Variants in HSPA8 observed in about 807,000 individuals in gnomAD.
The protein encoded by HSPA8 is heat shock protein family A (Hsp70) member 8.
A neutral mutation model predicts 52.8 loss-of-function variants in HSPA8; 2 were observed. That is an observed-to-expected ratio of 0.04 (90% CI 0.02 to 0.12). HSPA8 has a LOEUF of 0.12. Among genes scored for constraint, HSPA8 ranks in the 10% least tolerant of loss-of-function variants. HSPA8 has a pLI of 1.00. For synonymous variants in HSPA8, 436 were observed against 274.0 expected (o/e 1.59, Z -5.84); for missense variants, 349 against 800.5 (o/e 0.44, Z 6.81).
In HSPA8 at chr11:123,061,145, T is replaced by C. The variant is rs1193506791; in HGVS notation, c.180A>G (p.Ala60=). 1.9e-6 allele frequency: 3 copies of C among 1,613,938 alleles called. No individual in the cohort carries two copies. The highest frequency in any genetic ancestry group is 1.7e-5 in the Admixed American group (1 of 60,022). The change falls in exon 2 of 9, where the codon GCA becomes GCG. Residue 60 remains alanine, a synonymous_variant. Transcript: ENST00000534624. ...LIGDAAKNQV[A]MNPTNTVFDA... ...CAAAAACTGTGTTGGTGGGGTTCAT[T>C]GCAACTTGATTCTTTGCGGCATCAC...
chr11:123,059,498 A>G lies in HSPA8; in HGVS notation c.1095T>C (p.Pro365=). The G allele has an allele frequency of 6.2e-7, 1 of 1,613,814 alleles. No individual in the cohort carries two copies. The highest frequency in any genetic ancestry group is 8.5e-7 in the Non-Finnish European group (1 of 1,179,880). ...CTGCACCATAAGCAACAGCTTCATC[A>G]GGGTTGATGCTCTTATTCAGTTCTT... is the stretch of plus-strand genomic sequence containing the variant. The part of the protein sequence containing the change: ...NGKELNKSIN[P]DEAVAYGAAV... The change falls in exon 5 of 9, where the codon CCT becomes CCC. Residue 365 remains proline (P), a synonymous_variant. Transcript: ENST00000534624.
intron 2 of HSPA8, 56 bp from the exon 3 acceptor site, chr11:123,060,854 TC>T: frequency 6.7e-7 from 1 of 1,488,900 alleles, no homozygotes; most frequent in Non-Finnish European, 9.4e-7. Context: ...CTGATAAAAC[TC>T]AAGTCCATGA....
rs913944272 is a variant in HSPA8 at position 123,057,724 on chromosome 11, C to T, written c.*10G>A. On this transcript the variant is annotated 3_prime_UTR_variant, in exon 9 of 9. Transcript: ENST00000534624. ...TGTGTGGAACAATGCTACATCTACA[C>T]TTGGTTGGCTTAATCAACCTCTTCA... 10 of 1,597,042 alleles carry T rather than the reference C, an allele frequency of 6.3e-6. No individual in the cohort carries two copies. In the Admixed American group the frequency reaches 1.4e-4, roughly 23 times the overall value.
chr11:123,057,973 CTT>C, intron 8 of HSPA8, 54 bp from the exon 9 acceptor site: 2 of 1,388,244 alleles, frequency 1.4e-6, no homozygotes. Context: ...AATAACCCTT[CTT>C]TCTCCCTGAC....
In HSPA8 at chr11:123,058,366, G is replaced by C. The variant is rs775032110; in HGVS notation, c.1641C>G (p.Phe547Leu). ...SSKNSLESYA[F>L]NMKATVEDEK... ...CATCTTCAACAGTTGCTTTCATGTTGAAGGCATAGGACTCAAGTGAATTCT... is the reference window on the plus strand; with the variant it reads ...CATCTTCAACAGTTGCTTTCATGTTCAAGGCATAGGACTCAAGTGAATTCT... The change falls in exon 8 of 9, where the codon TTC becomes TTG. Residue 547 changes from phenylalanine to leucine, a missense_variant. By Grantham distance (22) the Phe-to-Leu change is conservative (BLOSUM62 0). Transcript: ENST00000534624. 1 of 1,613,202 alleles carries C rather than the reference G, an allele frequency of 6.2e-7. No individual in the cohort carries two copies. Among genetic ancestry groups the C allele is most frequent in the Non-Finnish European group, 8.5e-7 (1 of 1,179,594 alleles).
chr11:123,059,882 C>A lies in HSPA8; in HGVS notation c.711G>T (p.Met237Ile). 6.2e-7 allele frequency: 1 copy of A among 1,613,388 alleles called. No homozygotes were observed. The highest frequency in any genetic ancestry group is 1.1e-5 in the South Asian group (1 of 91,046). ...HLGGEDFDNR[M>I]VNHFIAEFKR... ...TAAACTCAGCAATAAAATGGTTGAC[C>A]ATTCGGTTGTCAAAATCTTCTCCAC... Residue 237 changes from methionine to isoleucine, a missense_variant, in exon 5 of 9, where the codon ATG (methionine) becomes ATT (isoleucine). Coordinates refer to ENST00000534624, the MANE Select transcript of HSPA8 (RefSeq NM_006597.6).
chr11:123,061,587 C>A (rs925652166), intron 1 of HSPA8: 8 of 525,516 alleles, frequency 1.5e-5, no homozygotes, highest in Non-Finnish European at 2.7e-5. Flanking sequence ...CGTGGTCTTA[C>A]CCCGAACTGA....
At chr11:123,057,951 T>G (rs1865356103) in intron 8 of HSPA8, 32 bp from the exon 9 acceptor site, 1 of 1,509,846 alleles carries the variant, frequency 6.6e-7, no homozygotes, top group Admixed American at 2.0e-5. Flanking sequence ...TACTGCAAGT[T>G]CTTTTAATGT....
At chr11:123,060,402 G>A (rs1865458022) in intron 3 of HSPA8, 134 bp from the exon 4 acceptor site, 8 of 989,622 alleles carry the variant, frequency 8.1e-6, no homozygotes, top group Non-Finnish European at 1.2e-5. Flanking sequence ...CTGTGTAATT[G>A]TCAAGATTCA....
At chr11:123,061,421 G>C (rs750885285) in intron 1 of HSPA8, 92 bp from the exon 2 acceptor site, 1 of 955,274 alleles carries the variant, frequency 1.0e-6, no homozygotes, top group African/African-American at 1.6e-5. Context: ...AAAACGTATG[G>C]CCACTGCCAA....
Position 123,057,723 on chromosome 11 carries a change from A to G in HSPA8, c.*11T>C. ...ATGTGTGGAACAATGCTACATCTAC[A>G]CTTGGTTGGCTTAATCAACCTCTTC... On this transcript the variant is annotated 3_prime_UTR_variant, in exon 9 of 9. Transcript: ENST00000534624. 2 of 1,596,444 alleles carry G rather than the reference A, an allele frequency of 1.3e-6. No individual in the cohort carries two copies. The highest frequency in any genetic ancestry group is 1.7e-6 in the Non-Finnish European group (2 of 1,172,958).
intron 1 of HSPA8, chr11:123,061,559 G>A (rs1865503331): frequency 5.3e-6 from 3 of 563,412 alleles, no homozygotes; most frequent in African/African-American, 1.9e-5. Flanking sequence ...CCCAGACGGC[G>A]TGGGGCGTTG....
At position 123,059,732 on chromosome 11, in the gene HSPA8, G is replaced by C. The variant is rs551131709; in HGVS notation, c.861C>G (p.Leu287=). 1.2e-6 allele frequency: 2 copies of C among 1,613,928 alleles called. No homozygotes were observed. Among genetic ancestry groups the C allele is most frequent in the East Asian group, 2.2e-5 (1 of 44,880 alleles). ...AGGTATAGAAGTCGATTCCTTCATA[G>C]AGAGAATCGATCTCAATACTGGCCT... ...STQASIEIDS[L]YEGIDFYTSI... is the part of the protein sequence containing the mutation. Residue 287 remains leucine (L), a synonymous_variant, in exon 5 of 9, where the codon CTC becomes CTG. Transcript: ENST00000534624.
chr11:123,060,504 C>A lies in HSPA8; in HGVS notation c.411+89G>T, dbSNP rs556295581. 832 of 1,068,474 alleles carry A rather than the reference C, an allele frequency of 7.8e-4. 6 individuals are homozygous for A. The African/African-American group carries it at 8.5e-3, about 11-fold the overall frequency. The allele number at this position is 1,068,474 out of a possible 1,614,324, so 66.2% of individuals were successfully genotyped here. On this transcript the variant is annotated intron_variant, in intron 3 of 8. Coordinates refer to ENST00000534624, the MANE Select transcript of HSPA8 (RefSeq NM_006597.6). ...AACCCTGAGCTGAGCCCCATCTGTT[C>A]CCCTCCCTCGCCAGGTGCCAGTGCC... is the stretch of plus-strand genomic sequence containing the variant.
In HSPA8 at chr11:123,061,339, AG is replaced by A. The variant is rs745861967; in HGVS notation, c.-5-11del. The A allele has an allele frequency of 1.2e-6, 2 of 1,601,142 alleles. No individual in the cohort carries two copies. The highest frequency in any genetic ancestry group is 1.7e-6 in the Non-Finnish European group (2 of 1,169,014). ...CCCTTGGACATGGTTGCTGAAAAAA[AG>A]AAAAATCTGGTTTAAAAATTCAATT... On this transcript the variant is annotated splice_polypyrimidine_tract_variant and intron_variant, in intron 1 of 8. Transcript: ENST00000534624.
At chr11:123,061,426 T>G in intron 1 of HSPA8, 97 bp from the exon 2 acceptor site, 1 of 889,106 alleles carries the variant, frequency 1.1e-6, no homozygotes, top group Non-Finnish European at 1.8e-6. Context: ...GTATGGCCAC[T>G]GCCAAGAGGT....
intron 1 of HSPA8, 188 bp from the exon 2 acceptor site, chr11:123,061,517 G>A (rs918556124): frequency 3.3e-6 from 2 of 605,996 alleles, no homozygotes; most frequent in South Asian, 2.0e-5. Context: ...GCCAACCGCA[G>A]CAGAGCACGC....
intron 3 of HSPA8, 148 bp from the exon 4 acceptor site, chr11:123,060,416 G>C (rs1389965361): frequency 6.3e-6 from 6 of 958,650 alleles, no homozygotes; most frequent in Non-Finnish European, 9.6e-6. Context: ...AGATTCACTG[G>C]TTTCTGGTGT....
In HSPA8 at chr11:123,061,334, A is replaced by G. The variant is rs1320210063; in HGVS notation, c.-5-5T>C. Reference sequence around the variant, plus strand: ...CAGGTCCCTTGGACATGGTTGCTGAAAAAAAGAAAAATCTGGTTTAAAAAT... The same window carrying G: ...CAGGTCCCTTGGACATGGTTGCTGAGAAAAAGAAAAATCTGGTTTAAAAAT... On this transcript the variant is annotated splice_region_variant and splice_polypyrimidine_tract_variant and intron_variant, in intron 1 of 8. Transcript: ENST00000534624. The G allele has an allele frequency of 6.2e-7, 1 of 1,606,696 alleles. No homozygotes were observed. Among genetic ancestry groups the G allele is most frequent in the East Asian group, 2.2e-5 (1 of 44,856 alleles).
Sources: gnomAD v4.1 joint callset for allele counts on GRCh38, gnomAD v4.1.1 for gene constraint, MANE v1.5 for transcripts, NCBI Gene and HGNC (gene_info 2026-07-23, HGNC 2026-07-21) for gene names.